Variants in ATP2B2 observed in about 807,000 individuals in gnomAD.
ATP2B2 encodes ATPase plasma membrane Ca2+ transporting 2.
In ATP2B2, 15 loss-of-function variants were observed where a neutral mutation model predicts 120.0. The observed-to-expected ratio is 0.12, with a 90% CI of 0.08 to 0.19. ATP2B2 has a LOEUF of 0.19. Among genes scored for constraint, ATP2B2 ranks in the 10% least tolerant of loss-of-function variants. ATP2B2 has a pLI of 1.00. For missense variants in ATP2B2, 1,045 were observed against 1,719.8 expected, an observed-to-expected ratio of 0.61 and a Z score of 6.94; for synonymous variants, 694 against 700.3, an observed-to-expected ratio of 0.99 and a Z score of 0.14.
At chr3:10,565,729 A>T (rs1016977930) in intron 2 of ATP2B2, among the ~76,000 whole-genome samples, 1 of 152,220 alleles carries the variant, frequency 6.6e-6, no homozygotes, top group African/African-American at 2.4e-5. Flanking sequence ...CTGGATTCAA[A>T]TCTTGGCTTC....
chr3:10,368,648 C>T (rs2061136691), intron 12 of ATP2B2, among the ~76,000 whole-genome samples: 3 of 151,812 alleles, frequency 2.0e-5, no homozygotes, highest in Admixed American at 2.0e-4. Flanking sequence ...ACCCATCCAT[C>T]CATCTATTCA....
intron 2 of ATP2B2, among the ~76,000 whole-genome samples, chr3:10,601,009 C>A (rs867796383): frequency 3.3e-5 from 5 of 152,144 alleles, no homozygotes; most frequent in Admixed American, 3.3e-4. Flanking sequence ...TGGACATTCT[C>A]GGAGCCTACA....
intron 2 of ATP2B2, among the ~76,000 whole-genome samples, chr3:10,581,344 T>A (rs1415128044): frequency 6.6e-6 from 1 of 152,134 alleles, no homozygotes; most frequent in Non-Finnish European, 1.5e-5. Flanking sequence ...AGCTGAGTCA[T>A]TCAGGGAGAG....
chr3:10,360,024 C>A lies in ATP2B2; in HGVS notation c.1759G>T (p.Val587Leu), dbSNP rs759927011. 6.8e-6 allele frequency: 11 copies of A among 1,614,068 alleles called. No homozygotes were observed. Among genetic ancestry groups the A allele is most frequent in the Non-Finnish European group, 6.8e-6 (8 of 1,179,994 alleles). Residue 587 changes from valine to leucine, a missense_variant, in exon 13 of 23, where the codon GTG becomes TTG. Transcript: ENST00000360273. Reference sequence around the variant, plus strand: ...TTCTCCTCTGGCATCTGGCTGCGCACGGGCTCGTAGTCCTGCTTCAGGTCC... The same window carrying A: ...TTCTCCTCTGGCATCTGGCTGCGCAAGGGCTCGTAGTCCTGCTTCAGGTCC... ...VLDLKQDYEPVRSQMPEEKLY... is the reference protein window; with the variant it reads ...VLDLKQDYEPLRSQMPEEKLY...
chr3:10,473,658 G>A (rs970606098), intron 1 of ATP2B2, among the ~76,000 whole-genome samples: 1 of 152,310 alleles, frequency 6.6e-6, no homozygotes, highest in Middle Eastern at 3.4e-3. Context: ...AAGAGAATAA[G>A]GCATTATGAC....
chr3:10,364,777 G>T (rs577131210), intron 12 of ATP2B2, among the ~76,000 whole-genome samples: 1 of 152,240 alleles, frequency 6.6e-6, no homozygotes, highest in Non-Finnish European at 1.5e-5. Context: ...CCCATAGCAT[G>T]GTAAACGGCA....
chr3:10,399,754 G>A (rs750277057), intron 5 of ATP2B2, among the ~76,000 whole-genome samples: 2 of 152,196 alleles, frequency 1.3e-5, no homozygotes, highest in Non-Finnish European at 2.9e-5. Context: ...AGACCTCTGT[G>A]CCTTTGTACA....
Position 10,375,354 on chromosome 3 carries a change from AC to A in ATP2B2, c.1416+75del. The A allele has an allele frequency of 7.5e-7, 1 of 1,337,084 alleles. No homozygotes were observed. The highest frequency in any genetic ancestry group is 1.2e-5 in the South Asian group (1 of 84,638). 82.8% of individuals were successfully genotyped at this position (1,337,084 alleles called of 1,614,324 possible). A position where few individuals can be genotyped will look rare whatever the true frequency, so the allele number is the denominator to read the frequency against. Reference sequence around the variant, plus strand: ...TCTTCGTTCATCTCCCAACCCCAGCACCAGCCCCAGTGATTCCCCCAGGCCC... The same window carrying A: ...TCTTCGTTCATCTCCCAACCCCAGCACAGCCCCAGTGATTCCCCCAGGCCC... On this transcript the variant is annotated intron_variant, in intron 11 of 22. Coordinates refer to ENST00000360273, the MANE Select transcript of ATP2B2 (RefSeq NM_001001331.4). The surrounding 1 kb of genome is among the most constrained non-coding windows in gnomAD (Gnocchi z 4.2).
intron 2 of ATP2B2, among the ~76,000 whole-genome samples, chr3:10,615,192 C>T (rs2069351490): frequency 6.6e-6 from 1 of 152,120 alleles, no homozygotes; most frequent in Non-Finnish European, 1.5e-5. Flanking sequence ...TGGAGGGTTA[C>T]AGTCAGGGAG....
intron 3 of ATP2B2, among the ~76,000 whole-genome samples, chr3:10,532,158 C>A (rs1016061623): frequency 6.6e-6 from 1 of 152,190 alleles, no homozygotes. Context: ...AAACTCCTCA[C>A]AGGGGCCCTC....
chr3:10,593,678 C>T (rs924988342), intron 2 of ATP2B2, among the ~76,000 whole-genome samples: 1 of 152,160 alleles, frequency 6.6e-6, no homozygotes. Flanking sequence ...TCTAAAACTC[C>T]AAAAGCAATG....
chr3:10,614,553 A>G (rs1224461471), intron 2 of ATP2B2, among the ~76,000 whole-genome samples: 1 of 152,224 alleles, frequency 6.6e-6, no homozygotes, highest in Admixed American at 6.5e-5. Context: ...AGAAAAATAC[A>G]TTGAATTGCA....
intron 2 of ATP2B2, among the ~76,000 whole-genome samples, chr3:10,438,260 A>G (rs928330515): frequency 3.3e-5 from 5 of 151,906 alleles, no homozygotes; most frequent in African/African-American, 1.2e-4. Flanking sequence ...AGCTGCTCTG[A>G]CCCCACTGAG....
chr3:10,476,005 C>T (rs1285053335), intron 1 of ATP2B2, among the ~76,000 whole-genome samples: 1 of 152,180 alleles, frequency 6.6e-6, no homozygotes. Context: ...GGATTCCAGA[C>T]TGCACAGGAG....
chr3:10,342,724 G>C lies in ATP2B2; in HGVS notation c.2917+28C>G, dbSNP rs745720814. The C allele has an allele frequency of 6.2e-7, 1 of 1,611,680 alleles. No individual in the cohort carries two copies. Among genetic ancestry groups the C allele is most frequent in the Non-Finnish European group, 8.5e-7 (1 of 1,178,200 alleles). On this transcript the variant is annotated intron_variant, in intron 19 of 22. Coordinates refer to ENST00000360273, the MANE Select transcript of ATP2B2 (RefSeq NM_001001331.4). This position sits in a 1 kb window ranked among gnomAD's most constrained non-coding sequence, Gnocchi z 4.4. ...CCCAGAAGGTGATGACCCCGCCTGGGAGAGGCGTGGGTGGGCGAGGCGCTC... is the reference window on the plus strand; with the variant it reads ...CCCAGAAGGTGATGACCCCGCCTGGCAGAGGCGTGGGTGGGCGAGGCGCTC...
Position 10,454,386 on chromosome 3 carries a change from CTGCT to C in ATP2B2, c.-319-4528_-319-4525del, listed in dbSNP as rs2064180868. 2.0e-5 allele frequency among the ~76,000 whole-genome samples: 3 copies of C among 152,304 alleles called. No individual in the cohort carries two copies. The South Asian group carries it at 6.2e-4, about 32-fold the overall frequency. On this transcript the variant is annotated intron_variant, in intron 1 of 22. Transcript: ENST00000360273. ...TGAAGAAACTGAAATACACAACTGT[CTGCT>C]AGTAAAAGGTGCAGAAGGAAAACAG...
At chr3:10,535,905 ATTTTTCT>A (rs1271696154) in intron 2 of ATP2B2, among the ~76,000 whole-genome samples, 1 of 150,526 alleles carries the variant, frequency 6.6e-6, no homozygotes, top group Non-Finnish European at 1.5e-5. Context: ...ATGGCAGTTG[ATTTTTCT>A]TTTTTCTTTT....
chr3:10,390,077 C>G (rs148541599), intron 5 of ATP2B2, among the ~76,000 whole-genome samples: 1 of 152,150 alleles, frequency 6.6e-6, no homozygotes, highest in Non-Finnish European at 1.5e-5. Context: ...ACTACCTTCT[C>G]AGATGGGGGA....
At chr3:10,575,348 G>T (rs143488844) in intron 2 of ATP2B2, among the ~76,000 whole-genome samples, 1 of 152,122 alleles carries the variant, frequency 6.6e-6, no homozygotes. Flanking sequence ...GAAAACTAAG[G>T]CCAATGGGGC....
Sources: allele counts gnomAD v4.1 joint callset (sites outside exome capture counted in the v4.1 genomes callset), GRCh38; gene constraint gnomAD v4.1.1; non-coding constraint Gnocchi (gnomAD v3.1); transcripts MANE v1.5; gene names NCBI Gene and HGNC (gene_info 2026-07-23, HGNC 2026-07-21).